ENTHD1: variants seen among roughly 807,000 people sequenced by gnomAD.
ENTHD1 encodes ENTH domain containing 1.
In ENTHD1, 23 loss-of-function variants were observed where a neutral mutation model predicts 39.1. That is an observed-to-expected ratio of 0.59 (90% CI 0.42 to 0.83). The LOEUF is 0.83. ENTHD1 is among the 40% of genes least tolerant of loss of function. ENTHD1 has a pLI of 0.00. For missense variants in ENTHD1, 624 were observed against 705.4 expected, an observed-to-expected ratio of 0.88 and a Z score of 1.31; for synonymous variants, 230 against 258.2, an observed-to-expected ratio of 0.89 and a Z score of 1.05.
chr22:39,878,610 G>A (rs2066310113), intron 2 of ENTHD1, among the ~76,000 whole-genome samples: 2 of 151,842 alleles, frequency 1.3e-5, no homozygotes, highest in Non-Finnish European at 2.9e-5. Context: ...GAAAGTGAAG[G>A]AGAAATAAAG....
chr22:39,778,051 G>A (rs746894791), intron 5 of ENTHD1, among the ~76,000 whole-genome samples: 1 of 152,198 alleles, frequency 6.6e-6, no homozygotes, highest in African/African-American at 2.4e-5. Flanking sequence ...GATTATAGAA[G>A]ACTGAAAATG....
intron 5 of ENTHD1, among the ~76,000 whole-genome samples, chr22:39,795,218 G>C (rs1216597010): frequency 6.6e-6 from 1 of 152,090 alleles, no homozygotes; most frequent in African/African-American, 2.4e-5. Context: ...TTAGCCTGTA[G>C]TTTTCTTTTT....
chr22:39,817,019 G>A (rs570237467), intron 5 of ENTHD1, among the ~76,000 whole-genome samples: 1 of 151,776 alleles, frequency 6.6e-6, no homozygotes, highest in Non-Finnish European at 1.5e-5. Flanking sequence ...CATAGAAGAG[G>A]AAATAGAAAT....
chr22:39,801,989 T>G (rs952101150), intron 5 of ENTHD1, among the ~76,000 whole-genome samples: 2 of 152,200 alleles, frequency 1.3e-5, no homozygotes, highest in African/African-American at 4.8e-5. Context: ...AGTGCATTGA[T>G]GTTTAATATT....
intron 5 of ENTHD1, among the ~76,000 whole-genome samples, chr22:39,793,596 T>C (rs2065522760): frequency 6.6e-6 from 1 of 152,216 alleles, no homozygotes; most frequent in South Asian, 2.1e-4. Context: ...GTTTCCCCTA[T>C]GTTTTCTTCA....
chr22:39,807,483 T>C (rs144789869), intron 5 of ENTHD1, among the ~76,000 whole-genome samples: 1 of 152,282 alleles, frequency 6.6e-6, no homozygotes, highest in East Asian at 1.9e-4. Flanking sequence ...CACCTTTACA[T>C]ATAAGACCTT....
At position 39,825,280 on chromosome 22, in the gene ENTHD1, A is replaced by T. The variant is rs1415283828; in HGVS notation, c.712-4167T>A. Among the ~76,000 whole-genome samples the T allele has an allele frequency of 5.9e-5, 9 of 152,298 alleles. No individual in the cohort carries two copies. The East Asian group carries it at 1.7e-3, about 29-fold the overall frequency. ...TCTTAATTTAAGTTTCCACATGTTC[A>T]TTGTTAGTATGTAGACATTCAGTTG... On this transcript the variant is annotated intron_variant, in intron 4 of 6. Coordinates refer to ENST00000325157, the MANE Select transcript of ENTHD1 (RefSeq NM_152512.4).
At chr22:39,752,076 G>T (rs1298404157) in intron 6 of ENTHD1, among the ~76,000 whole-genome samples, 1 of 151,486 alleles carries the variant, frequency 6.6e-6, no homozygotes, top group South Asian at 2.1e-4. Flanking sequence ...TCTCTCTATA[G>T]AAGATAGACA....
At chr22:39,787,791 C>T (rs1012554374) in intron 5 of ENTHD1, among the ~76,000 whole-genome samples, 2 of 152,170 alleles carry the variant, frequency 1.3e-5, no homozygotes, top group African/African-American at 4.8e-5. Context: ...CAAGGTAAAG[C>T]AGCAAGTGCT....
intron 2 of ENTHD1, among the ~76,000 whole-genome samples, chr22:39,886,169 A>G (rs1286116451): frequency 6.6e-6 from 1 of 152,188 alleles, no homozygotes; most frequent in East Asian, 1.9e-4. Flanking sequence ...TGAAAAAGCT[A>G]CATACTTTAA....
At chr22:39,835,993 G>C (rs1184977889) in intron 3 of ENTHD1, 35 bp from the exon 4 acceptor site, 1 of 1,481,728 alleles carries the variant, frequency 6.7e-7, no homozygotes, top group African/African-American at 1.4e-5. Context: ...TTTTACTTTG[G>C]CAAAACACAG....
intron 2 of ENTHD1, chr22:39,875,392 G>T (rs1194946666): frequency 6.2e-6 from 9 of 1,446,146 alleles, no homozygotes; most frequent in Admixed American, 2.9e-5. Context: ...AGGCCACGGT[G>T]CCCGCCACCC....
At chr22:39,820,919 A>G (rs1239209462) in intron 5 of ENTHD1, 74 bp downstream of exon 5, 3 of 1,556,772 alleles carry the variant, frequency 1.9e-6, no homozygotes, top group Non-Finnish European at 2.6e-6. Flanking sequence ...ACAAAGTTAA[A>G]TAGAAGCCAA....
intron 5 of ENTHD1, among the ~76,000 whole-genome samples, chr22:39,812,691 G>A (rs537782950): frequency 2.0e-5 from 3 of 152,340 alleles, no homozygotes; most frequent in African/African-American, 4.8e-5. Context: ...GGAGCATCCA[G>A]AATGCCCGGA....
chr22:39,784,506 C>T (rs1432096864), intron 5 of ENTHD1, among the ~76,000 whole-genome samples: 1 of 151,152 alleles, frequency 6.6e-6, no homozygotes, highest in Admixed American at 6.6e-5. Flanking sequence ...TAAGTGCCCA[C>T]CAATGATGAA....
chr22:39,777,844 T>C (rs1426529898), intron 5 of ENTHD1, among the ~76,000 whole-genome samples: 4 of 152,232 alleles, frequency 2.6e-5, no homozygotes, highest in Non-Finnish European at 4.4e-5. Context: ...GCTGAAAATG[T>C]CTTTGTGAAG....
At chr22:39,814,490 T>C (rs369376980) in intron 5 of ENTHD1, among the ~76,000 whole-genome samples, 3 of 152,072 alleles carry the variant, frequency 2.0e-5, no homozygotes, top group Non-Finnish European at 2.9e-5. Context: ...AAAACATTCC[T>C]GATGAAAGAA....
chr22:39,793,032 T>A (rs2146603772), intron 5 of ENTHD1, among the ~76,000 whole-genome samples: 1 of 152,340 alleles, frequency 6.6e-6, no homozygotes, highest in South Asian at 2.1e-4. Context: ...ATGGCTGTAC[T>A]AATTTACATT....
chr22:39,842,674 C>A (rs1158117255), intron 3 of ENTHD1, among the ~76,000 whole-genome samples: 1 of 151,634 alleles, frequency 6.6e-6, no homozygotes, highest in Non-Finnish European at 1.5e-5. Context: ...GAACAGGCAA[C>A]CTACAAAATG....
Sources: gnomAD v4.1 joint callset for allele counts (sites outside exome capture counted in the v4.1 genomes callset) on GRCh38, gnomAD v4.1.1 for gene constraint, MANE v1.5 for transcripts, NCBI Gene and HGNC (gene_info 2026-07-23, HGNC 2026-07-21) for gene names.